AKR1C8: variants seen among roughly 807,000 people sequenced by gnomAD.
AKR1C8 encodes aldo-keto reductase family 1 member C8.
chr10:5,167,446 A>G, the AKR1C8 span, among the ~76,000 whole-genome samples: 2 of 152,302 alleles, frequency 1.3e-5, no homozygotes, highest in South Asian at 4.1e-4. Flanking sequence ...ATGGAATACT[A>G]TGCAGCCATA....
chr10:5,120,569 A>C, the AKR1C8 span, among the ~76,000 whole-genome samples: 1 of 152,114 alleles, frequency 6.6e-6, no homozygotes, highest in Non-Finnish European at 1.5e-5. Flanking sequence ...TTAGTGTGCC[A>C]GGAGCTGTGA....
the AKR1C8 span, among the ~76,000 whole-genome samples, chr10:5,171,361 C>T: frequency 6.6e-6 from 1 of 151,938 alleles, no homozygotes; most frequent in East Asian, 1.9e-4. Flanking sequence ...TTTAACATAA[C>T]AATTATAATT....
chr10:5,175,298 C>T, the AKR1C8 span, among the ~76,000 whole-genome samples: 9,302 of 152,052 alleles, frequency 0.061, 349 homozygotes, highest in Middle Eastern at 0.082. Context: ...CTACAAAGGA[C>T]ATGAACTCAT....
the AKR1C8 span, among the ~76,000 whole-genome samples, chr10:5,122,857 CAA>C: frequency 2.0e-5 from 3 of 151,822 alleles, no homozygotes; most frequent in Non-Finnish European, 2.9e-5. Flanking sequence ...TAAAAATACC[CAA>C]AGACTTTAAC....
At chr10:5,165,740 C>T in the AKR1C8 span, among the ~76,000 whole-genome samples, 1 of 152,120 alleles carries the variant, frequency 6.6e-6, no homozygotes, top group Non-Finnish European at 1.5e-5. Flanking sequence ...AGGGCCATAG[C>T]TTGAAAAGAC....
the AKR1C8 span, among the ~76,000 whole-genome samples, chr10:5,131,525 C>G: frequency 6.6e-6 from 1 of 151,694 alleles, no homozygotes; most frequent in Non-Finnish European, 1.5e-5. Flanking sequence ...GCAAATGACA[C>G]GAATAGACAT....
chr10:5,167,807 A>G, the AKR1C8 span, among the ~76,000 whole-genome samples: 2 of 152,104 alleles, frequency 1.3e-5, no homozygotes, highest in African/African-American at 4.8e-5. Context: ...GATTAGGCTT[A>G]TCTGGTAAAT....
chr10:5,123,980 A>C, the AKR1C8 span, among the ~76,000 whole-genome samples: 9 of 152,132 alleles, frequency 5.9e-5, no homozygotes, highest in African/African-American at 2.2e-4. Context: ...CATCAAAATA[A>C]ATTTTATATT....
At chr10:5,180,904 C>T in the AKR1C8 span, among the ~76,000 whole-genome samples, 1 of 152,208 alleles carries the variant, frequency 6.6e-6, no homozygotes, top group Non-Finnish European at 1.5e-5. Context: ...TTTTCTTTGA[C>T]TAGGAAAGGG....
chr10:5,159,617 C>G, the AKR1C8 span, among the ~76,000 whole-genome samples: 1 of 152,264 alleles, frequency 6.6e-6, no homozygotes, highest in East Asian at 1.9e-4. Context: ...GTATCTCCAC[C>G]TGGACCATCC....
the AKR1C8 span, among the ~76,000 whole-genome samples, chr10:5,130,727 T>C: frequency 6.6e-6 from 1 of 151,800 alleles, no homozygotes; most frequent in African/African-American, 2.4e-5. Flanking sequence ...ATCAAAGAGA[T>C]GAAACATCTC....
chr10:5,121,962 G>T, the AKR1C8 span: 1 of 214,126 alleles, frequency 4.7e-6, no homozygotes, highest in African/African-American at 2.4e-5. Context: ...GAGGGCTACA[G>T]TGAATCTCCT....
At chr10:5,137,638 C>T in the AKR1C8 span, among the ~76,000 whole-genome samples, 3 of 152,114 alleles carry the variant, frequency 2.0e-5, no homozygotes, top group African/African-American at 7.2e-5. Flanking sequence ...TGGGCAAAAA[C>T]TGGAAGCATT....
the AKR1C8 span, among the ~76,000 whole-genome samples, chr10:5,174,782 T>A: frequency 2.6e-5 from 4 of 151,758 alleles, no homozygotes; most frequent in East Asian, 7.7e-4. Context: ...GACATAAAAA[T>A]AAATATTTTG....
At chr10:5,122,018 A>G in the AKR1C8 span, 2 of 246,322 alleles carry the variant, frequency 8.1e-6, no homozygotes, top group Non-Finnish European at 1.7e-5. Context: ...TGATGTAGGA[A>G]AGATGTGTCC....
the AKR1C8 span, among the ~76,000 whole-genome samples, chr10:5,117,289 C>T: frequency 6.6e-6 from 1 of 152,102 alleles, no homozygotes; most frequent in Non-Finnish European, 1.5e-5. Context: ...CGGACTTGAG[C>T]TGCCCTCAGA....
At chr10:5,116,741 G>A in the AKR1C8 span, among the ~76,000 whole-genome samples, 2 of 152,162 alleles carry the variant, frequency 1.3e-5, no homozygotes, top group Non-Finnish European at 2.9e-5. Context: ...TCCCTTCATT[G>A]CTGTCCTTCA....
At chr10:5,183,553 A>G in the AKR1C8 span, among the ~76,000 whole-genome samples, 2 of 152,212 alleles carry the variant, frequency 1.3e-5, no homozygotes, top group Non-Finnish European at 2.9e-5. Flanking sequence ...TCTTTCTTCC[A>G]AAGATCATTA....
At chr10:5,156,392 CAA>C in the AKR1C8 span, among the ~76,000 whole-genome samples, 8 of 152,158 alleles carry the variant, frequency 5.3e-5, no homozygotes, top group East Asian at 1.5e-3. Context: ...TTACTTAAGT[CAA>C]GAGTAGTTTT....
Sources: gnomAD v4.1 joint callset for allele counts (sites outside exome capture counted in the v4.1 genomes callset) on GRCh38, gnomAD v4.1.1 for gene constraint, MANE v1.5 for transcripts, NCBI Gene and HGNC (gene_info 2026-07-23, HGNC 2026-07-21) for gene names.